GARNL3: variants seen among roughly 807,000 people sequenced by gnomAD.
GARNL3 encodes the protein GTPase-activating Rap/Ran-GAP domain-like protein 3.
Under a neutral mutation model 125.0 loss-of-function variants are expected in GARNL3, and 63 were observed. The observed-to-expected ratio is 0.50, with a 90% confidence interval of 0.41 to 0.62. The LOEUF (loss-of-function observed/expected upper bound fraction) is 0.62, where lower values mean the gene tolerates loss of function less well. GARNL3 is among the 20% of genes least tolerant of loss of function. The pLI is 0.00. For missense variants in GARNL3, 994 were observed against 1,244.0 expected (o/e 0.80, Z 3.02); for synonymous variants, 439 against 457.5 (o/e 0.96, Z 0.52).
At chr9:127,263,764 G>A (rs1468285606), upstream of GARNL3, 1 of 1,222,716 alleles carries the variant, frequency 8.2e-7, no homozygotes, top group African/African-American at 1.6e-5. Flanking sequence ...ACTACAAAAG[G>A]TTAAATTTCT....
chr9:127,226,077 T>C (rs1253065711), intron 1 of GARNL3, among the ~76,000 whole-genome samples: 1 of 152,162 alleles, frequency 6.6e-6, no homozygotes, highest in Non-Finnish European at 1.5e-5. Flanking sequence ...ACACTTCCCA[T>C]CTCTGTTCTG....
intron 17 of GARNL3, among the ~76,000 whole-genome samples, chr9:127,351,953 A>G (rs550167597): frequency 2.7e-4 from 41 of 152,336 alleles, no homozygotes; most frequent in Middle Eastern, 3.4e-3. Flanking sequence ...GTTGTATACA[A>G]ACCTGTTCAG....
rs78346971 is a variant in GARNL3 at position 127,357,077 on chromosome 9, C to G, written c.1936-142C>G. 6,220 of 736,918 alleles carry G rather than the reference C, an allele frequency of 8.4e-3. 281 individuals carry two copies. In the African/African-American group the frequency reaches 0.096, roughly 11 times the overall value. 45.6% of individuals were successfully genotyped at this position (736,918 alleles called of 1,614,324 possible). On this transcript the variant is annotated intron_variant, in intron 20 of 27. Coordinates refer to ENST00000373387, the MANE Select transcript of GARNL3 (RefSeq NM_032293.5). Reference sequence around the variant, plus strand: ...GTGACCCCTGGCACTCCTCTCTTGTCCCTTCTTCCCTGTAGCACGGGGCTC... The same window carrying G: ...GTGACCCCTGGCACTCCTCTCTTGTGCCTTCTTCCCTGTAGCACGGGGCTC...
At chr9:127,358,514 G>A (rs1381996968) in intron 21 of GARNL3, among the ~76,000 whole-genome samples, 1 of 151,830 alleles carries the variant, frequency 6.6e-6, no homozygotes, top group Non-Finnish European at 1.5e-5. Flanking sequence ...TGTATTAATT[G>A]TAAATATGCT....
chr9:127,338,921 G>A (rs1181273546), intron 12 of GARNL3, among the ~76,000 whole-genome samples: 1 of 152,176 alleles, frequency 6.6e-6, no homozygotes, highest in Admixed American at 6.5e-5. Flanking sequence ...ATATGCAGCT[G>A]GATAAATGGA....
intron 2 of GARNL3, among the ~76,000 whole-genome samples, chr9:127,305,906 T>G (rs2064941066): frequency 1.3e-5 from 2 of 152,166 alleles, no homozygotes; most frequent in Non-Finnish European, 2.9e-5. Context: ...AGCCCAGTAA[T>G]TTTTTAATCA....
chr9:127,273,884 G>A (rs188636641), intron 1 of GARNL3, among the ~76,000 whole-genome samples: 6 of 152,180 alleles, frequency 3.9e-5, no homozygotes, highest in Admixed American at 2.0e-4. Context: ...AGGAAGCTCC[G>A]AACTCCATTT....
At position 127,311,218 on chromosome 9, in the gene GARNL3, G is replaced by A. The variant is rs558964946; in HGVS notation, c.220-418G>A. Among the ~76,000 whole-genome samples the A allele has an allele frequency of 5.3e-5, 8 of 150,938 alleles. No homozygotes were observed. In the East Asian group the frequency reaches 5.8e-4, roughly 11 times the overall value. ...AATTTCATCTTATTAAGAAAAATAC[G>A]TATGTATATGCATGGGGAAAAAAAA... is the stretch of plus-strand genomic sequence containing the variant. On this transcript the variant is annotated intron_variant, in intron 2 of 27. Transcript: ENST00000373387.
intron 1 of GARNL3, among the ~76,000 whole-genome samples, chr9:127,268,941 C>A (rs1346592930): frequency 6.6e-6 from 1 of 152,154 alleles, no homozygotes; most frequent in Non-Finnish European, 1.5e-5. Flanking sequence ...CTTTTTATGG[C>A]TGAATAATAT....
At chr9:127,300,418 C>A in intron 2 of GARNL3, 1 of 401,010 alleles carries the variant, frequency 2.5e-6, no homozygotes. Context: ...TTCTCTTCTG[C>A]CCCTGCTGTT....
intron 13 of GARNL3, 78 bp downstream of exon 13, chr9:127,339,829 T>G: frequency 1.1e-6 from 1 of 906,718 alleles, no homozygotes; most frequent in Non-Finnish European, 1.9e-6. Flanking sequence ...CAGAATGCTG[T>G]TTAAGGAAAT....
chr9:127,376,046 G>C (rs1051206389), intron 22 of GARNL3, among the ~76,000 whole-genome samples: 4 of 152,128 alleles, frequency 2.6e-5, no homozygotes, highest in African/African-American at 9.7e-5. Context: ...TGCAACCCCT[G>C]CTTCTGGGTT....
intron 1 of GARNL3, among the ~76,000 whole-genome samples, chr9:127,239,457 G>A (rs2063166845): frequency 6.6e-6 from 1 of 152,170 alleles, no homozygotes. Flanking sequence ...GACTCTCAAT[G>A]ATCTCTTTCA....
At chr9:127,231,234 T>TTG (rs1554887565) in intron 1 of GARNL3, among the ~76,000 whole-genome samples, 26 of 138,946 alleles carry the variant, frequency 1.9e-4, no homozygotes, top group South Asian at 4.5e-4. Flanking sequence ...TTTTGTTTTT[T>TTG]TTTTTTTTTT....
chr9:127,308,022 A>T (rs2065003632), intron 2 of GARNL3, among the ~76,000 whole-genome samples: 1 of 152,170 alleles, frequency 6.6e-6, no homozygotes, highest in Admixed American at 6.6e-5. Context: ...TAGTGGAAAG[A>T]CCTGGAGACC....
chr9:127,371,831 A>G (rs1831623312), intron 22 of GARNL3, among the ~76,000 whole-genome samples: 1 of 152,268 alleles, frequency 6.6e-6, no homozygotes, highest in South Asian at 2.1e-4. Flanking sequence ...AGATTTACAC[A>G]TATTTGGTAA....
At chr9:127,227,626 A>C (rs1037844818) in intron 1 of GARNL3, among the ~76,000 whole-genome samples, 23 of 150,856 alleles carry the variant, frequency 1.5e-4, no homozygotes, top group African/African-American at 5.6e-4. Context: ...CAAAAAAAAA[A>C]CCTAATTTGT....
chr9:127,259,839 A>G (rs996304985), upstream of GARNL3, among the ~76,000 whole-genome samples: 15 of 152,008 alleles, frequency 9.9e-5, no homozygotes, highest in Admixed American at 8.5e-4. Context: ...GTTCGAGACC[A>G]GCCATGGACA....
chr9:127,302,621 C>T (rs1397698557), intron 2 of GARNL3, among the ~76,000 whole-genome samples: 2 of 152,100 alleles, frequency 1.3e-5, no homozygotes, highest in African/African-American at 2.4e-5. Flanking sequence ...CGTCAAGATG[C>T]GAGAAAATTT....
Sources: allele counts gnomAD v4.1 joint callset (sites outside exome capture counted in the v4.1 genomes callset), GRCh38; gene constraint gnomAD v4.1.1; transcripts MANE v1.5; gene names NCBI Gene and HGNC (gene_info 2026-07-23, HGNC 2026-07-21).